The following DIS3L2 variants were observed in gnomAD, a reference collection of about 807,000 sequenced individuals.
DIS3L2 encodes DIS3-like exonuclease 2.
DIS3L2 carries 34 observed loss-of-function variants against 97.5 expected under a neutral mutation model. That is an observed-to-expected ratio of 0.35 (90% CI 0.27 to 0.46). The LOEUF (loss-of-function observed/expected upper bound fraction) is 0.46, where lower values mean the gene tolerates loss of function less well. Among genes scored for constraint, DIS3L2 ranks in the 20% least tolerant of loss-of-function variants. The probability of loss-of-function intolerance (pLI) is 1.00; values close to 1 mark genes in which losing one functional copy is unlikely to be tolerated. For missense variants in DIS3L2, 1,038 were observed against 1,146.0 expected, an observed-to-expected ratio of 0.91 and a Z score of 1.36; for synonymous variants, 435 against 445.2, an observed-to-expected ratio of 0.98 and a Z score of 0.29.
At chr2:232,094,318 A>G (rs1018479082) in intron 6 of DIS3L2, among the ~76,000 whole-genome samples, 1 of 152,182 alleles carries the variant, frequency 6.6e-6, no homozygotes, top group African/African-American at 2.4e-5. Context: ...TATTCTGTAA[A>G]TATTTATTAG....
chr2:232,298,531 G>A (rs538768473), intron 13 of DIS3L2, among the ~76,000 whole-genome samples: 2 of 152,216 alleles, frequency 1.3e-5, no homozygotes, highest in Non-Finnish European at 2.9e-5. Context: ...CTGGCTTCAT[G>A]ATGGTCGAGA....
chr2:232,321,192 G>T (rs1177580349), intron 14 of DIS3L2, among the ~76,000 whole-genome samples: 1 of 152,194 alleles, frequency 6.6e-6, no homozygotes, highest in East Asian at 1.9e-4. Flanking sequence ...AAAGCCTGCG[G>T]GGGGCCAGGG....
chr2:232,139,562 CG>C (rs1698454452), intron 8 of DIS3L2, among the ~76,000 whole-genome samples: 1 of 152,112 alleles, frequency 6.6e-6, no homozygotes, highest in Non-Finnish European at 1.5e-5. Flanking sequence ...TGGGAAAGAG[CG>C]TGGATAAAAC....
intron 9 of DIS3L2, among the ~76,000 whole-genome samples, chr2:232,184,330 C>T (rs899444102): frequency 2.0e-5 from 3 of 152,126 alleles, no homozygotes; most frequent in African/African-American, 7.2e-5. Flanking sequence ...GGGAAAATAA[C>T]AGAAAGAGTG....
At chr2:232,055,083 G>A (rs1004340272) in intron 5 of DIS3L2, among the ~76,000 whole-genome samples, 14 of 152,178 alleles carry the variant, frequency 9.2e-5, no homozygotes, top group Admixed American at 3.9e-4. Flanking sequence ...AGTAATAGAA[G>A]AAGACTTTCA....
chr2:232,231,710 G>A (rs1386581893), intron 10 of DIS3L2, among the ~76,000 whole-genome samples: 1 of 152,216 alleles, frequency 6.6e-6, no homozygotes, highest in African/African-American at 2.4e-5. Flanking sequence ...AGTTAGGCAG[G>A]GTTTACAATC....
At chr2:232,011,876 C>G (rs1379856868) in intron 1 of DIS3L2, among the ~76,000 whole-genome samples, 1 of 151,894 alleles carries the variant, frequency 6.6e-6, no homozygotes. Context: ...GTCTTGAACT[C>G]CTGAGCTCAG....
At chr2:232,133,406 C>A (rs1698272310) in intron 7 of DIS3L2, among the ~76,000 whole-genome samples, 1 of 152,100 alleles carries the variant, frequency 6.6e-6, no homozygotes, top group Non-Finnish European at 1.5e-5. Context: ...CATGTTAAAC[C>A]CCAACAGGGT....
intron 10 of DIS3L2, among the ~76,000 whole-genome samples, chr2:232,237,243 A>G (rs1054506244): frequency 2.6e-5 from 4 of 152,184 alleles, no homozygotes; most frequent in African/African-American, 9.6e-5. Flanking sequence ...TTTATAACCT[A>G]ACTACCCTCC....
downstream of DIS3L2, among the ~76,000 whole-genome samples, chr2:232,339,491 C>T (rs897961009): frequency 2.6e-5 from 4 of 152,160 alleles, no homozygotes; most frequent in Non-Finnish European, 4.4e-5. Context: ...GCGAAAGTCA[C>T]GGGTGGGGAT....
intron 9 of DIS3L2, among the ~76,000 whole-genome samples, chr2:232,166,072 C>CAATA (rs111484613): frequency 0.2 from 27,817 of 137,910 alleles, 2,895 homozygotes; most frequent in Admixed American, 0.22. Context: ...CCTGTCTCTA[C>CAATA]AATAAATAAA....
At chr2:231,962,992 C>A (rs1692612965) in intron 1 of DIS3L2, among the ~76,000 whole-genome samples, 1 of 151,998 alleles carries the variant, frequency 6.6e-6, no homozygotes, top group African/African-American at 2.4e-5. Context: ...TTGATGGTCA[C>A]CTAGGTTGAT....
chr2:232,004,003 G>T (rs922553017), intron 1 of DIS3L2, among the ~76,000 whole-genome samples: 1 of 152,072 alleles, frequency 6.6e-6, no homozygotes, highest in East Asian at 1.9e-4. Flanking sequence ...GCAAATCTGG[G>T]ATGTTTTTAG....
intron 1 of DIS3L2, among the ~76,000 whole-genome samples, chr2:231,990,858 C>T (rs1693564004): frequency 6.6e-6 from 1 of 152,148 alleles, no homozygotes; most frequent in Admixed American, 6.5e-5. Flanking sequence ...TGTGAATATA[C>T]TAAACTCCAG....
chr2:232,317,186 A>G (rs915970678), intron 14 of DIS3L2, among the ~76,000 whole-genome samples: 1 of 152,212 alleles, frequency 6.6e-6, no homozygotes, highest in Non-Finnish European at 1.5e-5. Context: ...CCAGGCAGTA[A>G]GTGCTGCGGA....
At chr2:232,266,986 T>C (rs1356800911) in intron 13 of DIS3L2, among the ~76,000 whole-genome samples, 2 of 152,106 alleles carry the variant, frequency 1.3e-5, no homozygotes, top group Non-Finnish European at 2.9e-5. Flanking sequence ...GGGGGCTGAG[T>C]GTGCGGCACT....
rs1376481654 is a variant in DIS3L2, at chr2:232,015,576, A to G, written c.115A>G (p.Asn39Asp). ...TTCGCCAGGTGACAAAAAGTCAAAG[A>G]ACAGGTCCACACGAGGGAAGAAAAA... ...GASPGDKKSKNRSTRGKKKSI... is the reference protein window; with the variant it reads ...GASPGDKKSKDRSTRGKKKSI... Residue 39 changes from asparagine to aspartate, a missense_variant, in exon 3 of 21, where the codon AAC (asparagine) becomes GAC (aspartate). By Grantham distance (23) the Asn-to-Asp change is conservative. Transcript: ENST00000325385. 6.2e-7 allele frequency: 1 copy of G among 1,614,078 alleles called. No homozygotes were observed. Among genetic ancestry groups the G allele is most frequent in the Non-Finnish European group, 8.5e-7 (1 of 1,179,968 alleles).
At chr2:232,223,398 A>G (rs143241763) in intron 10 of DIS3L2, among the ~76,000 whole-genome samples, 1 of 152,330 alleles carries the variant, frequency 6.6e-6, no homozygotes, top group Admixed American at 6.5e-5. Context: ...CAGCTATAAA[A>G]TGGTGGTTTG....
chr2:232,122,131 G>C (rs1023173925), intron 6 of DIS3L2, among the ~76,000 whole-genome samples: 9 of 152,140 alleles, frequency 5.9e-5, no homozygotes, highest in African/African-American at 1.9e-4. Flanking sequence ...ACTGGCCTCT[G>C]CCTATCTATG....
Sources: gnomAD v4.1 joint callset for allele counts (sites outside exome capture counted in the v4.1 genomes callset) on GRCh38, gnomAD v4.1.1 for gene constraint, MANE v1.5 for transcripts, NCBI Gene and HGNC (gene_info 2026-07-23, HGNC 2026-07-21) for gene names.